The following CCL17 variants were observed in gnomAD, a reference collection of about 807,000 sequenced individuals.
CCL17 encodes the protein C-C motif chemokine 17.
CCL17 carries 8 observed loss-of-function variants against 7.4 expected under a neutral mutation model. The ratio of observed to expected loss-of-function variants is 1.09; its 90% CI spans 0.64 to 1.96. The LOEUF is 1.96. Ranked by LOEUF, CCL17 falls within the 30% of genes most tolerant of loss-of-function variation. CCL17 has a pLI of 0.00. For missense variants in CCL17, 102 were observed against 113.0 expected, an observed-to-expected ratio of 0.90 and a Z score of 0.44; for synonymous variants, 40 against 46.1, an observed-to-expected ratio of 0.87 and a Z score of 0.54.
intron 1 of CCL17, among the ~76,000 whole-genome samples, chr16:57,410,873 C>G (rs1598012485): frequency 6.6e-6 from 1 of 152,202 alleles, no homozygotes; most frequent in African/African-American, 2.4e-5. Context: ...TCACTGCATG[C>G]CAGGCACCAT....
upstream of CCL17, among the ~76,000 whole-genome samples, chr16:57,402,786 C>A (rs1477111631): frequency 6.6e-6 from 1 of 152,024 alleles, no homozygotes; most frequent in African/African-American, 2.4e-5. Flanking sequence ...CTGCATTCTG[C>A]TTCAGGAACA....
At chr16:57,414,834 C>G (rs560833545) in intron 2 of CCL17, among the ~76,000 whole-genome samples, 42 of 152,160 alleles carry the variant, frequency 2.8e-4, no homozygotes, top group African/African-American at 9.9e-4. Flanking sequence ...CCCCCACAGA[C>G]ACACAAAACA....
chr16:57,405,803 G>A (rs1902685563), intron 1 of CCL17, among the ~76,000 whole-genome samples: 1 of 151,936 alleles, frequency 6.6e-6, no homozygotes. Context: ...GGAGGCCGAG[G>A]CAGGTGGATC....
chr16:57,414,948 A>T (rs1902844923), intron 2 of CCL17, 133 bp from the exon 3 acceptor site: 1 of 703,126 alleles, frequency 1.4e-6, no homozygotes, highest in African/African-American at 1.7e-5. Flanking sequence ...AGGCAGTGAT[A>T]CACATGCAGT....
chr16:57,415,929 C>A lies in CCL17; in HGVS notation c.*68C>A. ...TGGGACCTCCACCGTTGGTGTTCAC[C>A]GCCCCCACCCTGAGCGCCTGGGTCC... On this transcript the variant is annotated 3_prime_UTR_variant, in exon 4 of 4. Coordinates refer to ENST00000219244, the MANE Select transcript of CCL17 (RefSeq NM_002987.3). The surrounding 1 kb of genome is among the most constrained non-coding windows in gnomAD (Gnocchi z 4.5). 3 of 1,053,982 alleles carry A rather than the reference C, an allele frequency of 2.8e-6. No homozygotes were observed. The highest frequency in any genetic ancestry group is 1.3e-5 in the South Asian group (1 of 77,662). The allele number at this position is 1,053,982 out of a possible 1,614,324, so 65.3% of individuals were successfully genotyped here.
intron 1 of CCL17, among the ~76,000 whole-genome samples, chr16:57,413,581 C>G (rs1902819495): frequency 6.6e-6 from 1 of 152,206 alleles, no homozygotes; most frequent in African/African-American, 2.4e-5. Context: ...AGAGATGAAC[C>G]CAGCTGTGCG....
At chr16:57,397,243 CGGA>C in the CCL17 span, among the ~76,000 whole-genome samples, 1 of 152,162 alleles carries the variant, frequency 6.6e-6, no homozygotes, top group Non-Finnish European at 1.5e-5. Flanking sequence ...TCGGATGGTC[CGGA>C]GGAGATTTGG....
At chr16:57,401,958 CT>C (rs772137270), upstream of CCL17, among the ~76,000 whole-genome samples, 9 of 152,210 alleles carry the variant, frequency 5.9e-5, no homozygotes, top group Non-Finnish European at 1.2e-4. Flanking sequence ...TGAACTCAAC[CT>C]GAGACAGTGG....
chr16:57,411,936 C>T (rs1042495532), intron 1 of CCL17, among the ~76,000 whole-genome samples: 2 of 152,180 alleles, frequency 1.3e-5, no homozygotes, highest in African/African-American at 4.8e-5. Flanking sequence ...CCTCCCCTCC[C>T]CCTCCTCTGC....
rs2146543958 is a variant in CCL17, at chr16:57,416,047, TAA to T, written c.*188_*189del. On this transcript the variant is annotated 3_prime_UTR_variant, in exon 4 of 4. Coordinates refer to ENST00000219244, the MANE Select transcript of CCL17 (RefSeq NM_002987.3). ...AGCCATGGGCACAAAGGGCCCAGAT[TAA>T]AGTCTTTATCCTCAGTCTGTGTCAG... 1 of 574,088 alleles carries T rather than the reference TAA, an allele frequency of 1.7e-6. No individual in the cohort carries two copies. The highest frequency in any genetic ancestry group is 3.1e-6 in the Non-Finnish European group (1 of 319,164). The allele number at this position is 574,088 out of a possible 1,614,324, so 35.6% of individuals were successfully genotyped here.
Position 57,407,434 on chromosome 16 carries a change from G to T in CCL17, c.-60+2598G>T, listed in dbSNP as rs138316210. The stretch of plus-strand genomic sequence containing the variant: ...TTCGGGTGTGTCTCATGAAATGATG[G>T]TACACACTGGTTTAAAAACTATTTG... On this transcript the variant is annotated intron_variant, in intron 1 of 3. Transcript: ENST00000219244. Among the ~76,000 whole-genome samples, 409 of 152,276 alleles carry T rather than the reference G, an allele frequency of 2.7e-3. 5 individuals carry two copies. The highest frequency in any genetic ancestry group is 9.5e-3 in the African/African-American group (393 of 41,540).
At chr16:57,399,239 T>G in the CCL17 span, among the ~76,000 whole-genome samples, 1 of 152,086 alleles carries the variant, frequency 6.6e-6, no homozygotes. Context: ...TCTGACCTGT[T>G]TCCAGGTGCT....
rs1902864565 is a variant in CCL17 at position 57,415,961 on chromosome 16, G to T, written c.*100G>T. The stretch of plus-strand genomic sequence containing the variant: ...ACCCTGAGCGCCTGGGTCCAGGGGA[G>T]GCCTTCCAGGGACGAAGAAGAGCCA... On this transcript the variant is annotated 3_prime_UTR_variant, in exon 4 of 4. Transcript: ENST00000219244. This position sits in a 1 kb window ranked among gnomAD's most constrained non-coding sequence, Gnocchi z 4.5. The T allele has an allele frequency of 5.5e-6, 4 of 728,130 alleles. No homozygotes were observed. Among genetic ancestry groups the T allele is most frequent in the Non-Finnish European group, 9.7e-6 (4 of 410,282 alleles). 45.1% of individuals were successfully genotyped at this position (728,130 alleles called of 1,614,324 possible).
chr16:57,414,090 G>T, intron 2 of CCL17, 88 bp downstream of exon 2: 1 of 1,032,938 alleles, frequency 9.7e-7, no homozygotes, highest in South Asian at 1.5e-5. Context: ...ACACACGTTT[G>T]TGTATTATTT....
intron 1 of CCL17, among the ~76,000 whole-genome samples, chr16:57,413,605 A>G (rs41326647): frequency 1.6e-3 from 245 of 152,298 alleles, no homozygotes; most frequent in African/African-American, 5.5e-3. Context: ...AGGCTTTTCA[A>G]TTCTAATAGA....
intron 2 of CCL17, among the ~76,000 whole-genome samples, chr16:57,414,282 G>A (rs1369636207): frequency 6.6e-6 from 1 of 151,798 alleles, no homozygotes; most frequent in Non-Finnish European, 1.5e-5. Context: ...GGCTGTAGTT[G>A]TGCAATGGAA....
At chr16:57,396,535 G>C in the CCL17 span, among the ~76,000 whole-genome samples, 1 of 152,182 alleles carries the variant, frequency 6.6e-6, no homozygotes. Context: ...CCATTCAAGA[G>C]AGTGATTGAA....
chr16:57,414,957 GTCA>G (rs1352890831), intron 2 of CCL17, 121 bp from the exon 3 acceptor site: 12 of 715,752 alleles, frequency 1.7e-5, no homozygotes, highest in Non-Finnish European at 2.6e-5. Flanking sequence ...TACACATGCA[GTCA>G]TCACACACAG....
intron 1 of CCL17, among the ~76,000 whole-genome samples, chr16:57,412,414 G>A (rs1456981614): frequency 2.0e-5 from 3 of 152,214 alleles, no homozygotes; most frequent in Non-Finnish European, 4.4e-5. Context: ...AAGGACTGAT[G>A]AGGTTAGCTC....
Sources: allele counts gnomAD v4.1 joint callset (sites outside exome capture counted in the v4.1 genomes callset), GRCh38; gene constraint gnomAD v4.1.1; non-coding constraint Gnocchi (gnomAD v3.1); transcripts MANE v1.5; gene names NCBI Gene and HGNC (gene_info 2026-07-23, HGNC 2026-07-21).